The following ELAVL2 variants were observed in gnomAD, a reference collection of about 807,000 sequenced individuals.
ELAVL2 encodes ELAV-like protein 2.
A neutral mutation model predicts 34.6 loss-of-function variants in ELAVL2; 4 were observed. The ratio of observed to expected loss-of-function variants is 0.12; its 90% CI spans 0.06 to 0.26. The LOEUF (loss-of-function observed/expected upper bound fraction) is 0.26, where lower values mean the gene tolerates loss of function less well. ELAVL2 is among the 10% of genes least tolerant of loss of function. ELAVL2 has a pLI of 1.00. For synonymous variants in ELAVL2, 193 were observed against 154.8 expected (o/e 1.25, Z -1.83); for missense variants, 432 against 442.8 (o/e 0.98, Z 0.22).
rs142532492 is a variant in ELAVL2 at position 23,795,435 on chromosome 9, C to A, written c.-16+30371G>T. Among the ~76,000 whole-genome samples, 6 of 152,128 alleles carry A rather than the reference C, an allele frequency of 3.9e-5. No homozygotes were observed. In the East Asian group the frequency reaches 1.2e-3, roughly 29 times the overall value. ...GTACATGGCTGTAGTCCCAGCTACT[C>A]GCGAGGCTGTGACAGGAGAATCGCT... is the stretch of plus-strand genomic sequence containing the variant. On this transcript the variant is annotated intron_variant, in intron 1 of 6. Coordinates refer to ENST00000397312, the MANE Select transcript of ELAVL2 (RefSeq NM_004432.5).
chr9:23,843,668 C>A, the ELAVL2 span, among the ~76,000 whole-genome samples: 2 of 151,878 alleles, frequency 1.3e-5, no homozygotes, highest in Admixed American at 6.6e-5. Flanking sequence ...CTTTCTTACA[C>A]CCCCCTTTCT....
At chr9:23,708,718 T>C (rs1351036825) in intron 3 of ELAVL2, among the ~76,000 whole-genome samples, 3 of 152,200 alleles carry the variant, frequency 2.0e-5, no homozygotes, top group Non-Finnish European at 4.4e-5. Context: ...CTCGGCTCAC[T>C]GTAACCTCTG....
At chr9:23,813,429 T>TTTA (rs1554765996) in intron 1 of ELAVL2, among the ~76,000 whole-genome samples, 103 of 150,866 alleles carry the variant, frequency 6.8e-4, no homozygotes, top group African/African-American at 2.4e-3. Flanking sequence ...TTTTTTTTTT[T>TTTA]ACAACAATCT....
At chr9:23,762,346 C>T (rs376665516) in intron 1 of ELAVL2, 97 bp from the exon 2 acceptor site, 16 of 1,464,240 alleles carry the variant, frequency 1.1e-5, no homozygotes, top group South Asian at 4.0e-5. Flanking sequence ...AAACACAAGT[C>T]GTTCTAATGA....
At chr9:23,761,953 C>T (rs2055114239) in intron 2 of ELAVL2, 53 bp downstream of exon 2, 1 of 1,525,856 alleles carries the variant, frequency 6.6e-7, no homozygotes, top group South Asian at 1.3e-5. Flanking sequence ...TTATTTTCTC[C>T]TATCTTGAGA....
At chr9:23,812,648 A>T (rs145088556) in intron 1 of ELAVL2, among the ~76,000 whole-genome samples, 11 of 152,230 alleles carry the variant, frequency 7.2e-5, no homozygotes, top group African/African-American at 2.6e-4. Flanking sequence ...CCTCTGAAAA[A>T]TAAGTTCCAA....
At chr9:23,721,202 G>T (rs187815844) in intron 3 of ELAVL2, among the ~76,000 whole-genome samples, 5 of 152,294 alleles carry the variant, frequency 3.3e-5, no homozygotes, top group Non-Finnish European at 7.3e-5. Flanking sequence ...TAAAGCCCAT[G>T]AAACTCATCC....
intron 1 of ELAVL2, among the ~76,000 whole-genome samples, chr9:23,785,812 T>A (rs549986243): frequency 1.6e-4 from 24 of 152,336 alleles, no homozygotes; most frequent in African/African-American, 4.8e-4. Context: ...ATGGGAAAAG[T>A]AGTTGATCGG....
intron 3 of ELAVL2, among the ~76,000 whole-genome samples, chr9:23,717,551 C>T (rs1327373174): frequency 6.6e-6 from 1 of 152,162 alleles, no homozygotes; most frequent in East Asian, 1.9e-4. Context: ...CACGTGAAGG[C>T]CTCTGTGCTT....
the ELAVL2 span, among the ~76,000 whole-genome samples, chr9:23,847,954 CTTCT>C: frequency 9.9e-5 from 15 of 152,056 alleles, no homozygotes; most frequent in Non-Finnish European, 1.9e-4. Context: ...AATCTGATGG[CTTCT>C]TTGAGATTAT....
intron 1 of ELAVL2, among the ~76,000 whole-genome samples, chr9:23,802,669 G>A (rs1246000953): frequency 1.3e-5 from 2 of 152,098 alleles, no homozygotes; most frequent in African/African-American, 4.8e-5. Flanking sequence ...CATACATCCG[G>A]GAAGTCAAGA....
intron 2 of ELAVL2, among the ~76,000 whole-genome samples, chr9:23,733,052 A>G (rs968877785): frequency 6.6e-6 from 1 of 151,750 alleles, no homozygotes. Context: ...AAATAAATCA[A>G]TTGTATCAGC....
In ELAVL2 at chr9:23,743,281, A is replaced by T. The variant is rs78541126; in HGVS notation, c.230-12156T>A. Among the ~76,000 whole-genome samples, 1,243 of 152,302 alleles carry T rather than the reference A, an allele frequency of 8.2e-3. 12 individuals carry two copies. The highest frequency in any genetic ancestry group is 0.021 in the South Asian group (102 of 4,826). Reference sequence around the variant, plus strand: ...CAGATGGCTCCTAAAGAGAAGTACAAAATGGTGCAGCTCCTACGATTGCCA... The same window carrying T: ...CAGATGGCTCCTAAAGAGAAGTACATAATGGTGCAGCTCCTACGATTGCCA... On this transcript the variant is annotated intron_variant, in intron 2 of 6. Transcript: ENST00000397312.
chr9:23,783,977 G>A (rs764945752), intron 1 of ELAVL2, among the ~76,000 whole-genome samples: 5 of 151,876 alleles, frequency 3.3e-5, no homozygotes, highest in Admixed American at 6.6e-5. Flanking sequence ...CGTGGATCAC[G>A]AGGTCAGGAG....
At chr9:23,702,875 C>G (rs558755389) in intron 4 of ELAVL2, among the ~76,000 whole-genome samples, 30 of 139,874 alleles carry the variant, frequency 2.1e-4, no homozygotes, top group African/African-American at 7.9e-4. Flanking sequence ...CAAATCCTTT[C>G]ACTTATCTAC....
chr9:23,730,362 A>G (rs1189506225), intron 3 of ELAVL2, among the ~76,000 whole-genome samples: 1 of 152,120 alleles, frequency 6.6e-6, no homozygotes, highest in Non-Finnish European at 1.5e-5. Flanking sequence ...GTGTCATGTA[A>G]GTTCCTCCAG....
intron 3 of ELAVL2, among the ~76,000 whole-genome samples, chr9:23,717,062 C>A (rs1034935450): frequency 6.6e-6 from 1 of 152,182 alleles, no homozygotes; most frequent in African/African-American, 2.4e-5. Flanking sequence ...GGAGAACAGT[C>A]AAAATCAGTG....
intron 2 of ELAVL2, among the ~76,000 whole-genome samples, chr9:23,750,442 A>T (rs2051656781): frequency 1.3e-5 from 2 of 152,132 alleles, no homozygotes; most frequent in African/African-American, 4.8e-5. Flanking sequence ...AAAGAATATA[A>T]AGGTCTAAAA....
intron 5 of ELAVL2, among the ~76,000 whole-genome samples, chr9:23,701,124 G>A (rs1023944749): frequency 4.6e-5 from 7 of 152,144 alleles, no homozygotes; most frequent in Non-Finnish European, 8.8e-5. Context: ...TGTTCCCTGG[G>A]AGGCAAAAAT....
Sources: allele counts gnomAD v4.1 joint callset (sites outside exome capture counted in the v4.1 genomes callset), GRCh38; gene constraint gnomAD v4.1.1; transcripts MANE v1.5; gene names NCBI Gene and HGNC (gene_info 2026-07-23, HGNC 2026-07-21).